The following PAWR variants were observed in gnomAD, a reference collection of about 807,000 sequenced individuals.
PAWR encodes PRKC apoptosis WT1 regulator protein.
In PAWR, 23 loss-of-function variants were observed where a neutral mutation model predicts 32.0. The ratio of observed to expected loss-of-function variants is 0.72; its 90% CI spans 0.52 to 1.02. PAWR has a LOEUF of 1.02. PAWR is among the 50% of genes least tolerant of loss of function. PAWR has a pLI of 0.00. For synonymous variants in PAWR, 226 were observed against 187.1 expected (o/e 1.21, Z -1.70); for missense variants, 457 against 437.7 (o/e 1.04, Z -0.39).
intron 2 of PAWR, among the ~76,000 whole-genome samples, chr12:79,634,178 GAGAAT>G (rs1461183871): frequency 1.3e-5 from 2 of 152,126 alleles, no homozygotes; most frequent in Non-Finnish European, 1.5e-5. Context: ...TCTGCCTCTG[GAGAAT>G]AGAATATTAT....
rs1017280950 is a variant in PAWR at position 79,682,465 on chromosome 12, T to C, written c.516+7264A>G. Among the ~76,000 whole-genome samples, 3 of 152,202 alleles carry C rather than the reference T, an allele frequency of 2.0e-5. No homozygotes were observed. In the East Asian group the frequency reaches 5.8e-4, roughly 29 times the overall value. On this transcript the variant is annotated intron_variant, in intron 2 of 6. Transcript: ENST00000328827. The stretch of plus-strand genomic sequence containing the variant: ...AATACAACTGCCCTATTTCTTCAAC[T>C]ACTTAAAATAAATGAGACTATCATT...
rs1475575417 is a variant in PAWR at position 79,689,750 on chromosome 12, C to G, written c.495G>C (p.Val165=). The G allele has an allele frequency of 1.3e-6, 2 of 1,571,944 alleles. No homozygotes were observed. Among genetic ancestry groups the G allele is most frequent in the East Asian group, 2.4e-5 (1 of 42,428 alleles). The part of the protein sequence containing the change: ...KLREKRRSTG[V]VNIPAAECLD... Reference sequence around the variant, plus strand: ...TCACCTCTGCGGCAGGGATGTTGACCACGCCGGTGGAGCGCCGCTTCTCCC... The same window carrying G: ...TCACCTCTGCGGCAGGGATGTTGACGACGCCGGTGGAGCGCCGCTTCTCCC... Residue 165 remains valine (V), a synonymous_variant, in exon 2 of 7, where the codon GTG becomes GTC. Coordinates refer to ENST00000328827, the MANE Select transcript of PAWR (RefSeq NM_002583.4).
intron 4 of PAWR, among the ~76,000 whole-genome samples, chr12:79,611,911 CCT>C (rs1454287677): frequency 6.6e-6 from 1 of 151,984 alleles, no homozygotes; most frequent in Non-Finnish European, 1.5e-5. Flanking sequence ...AAATTATTCC[CCT>C]CTTGATTCTA....
intron 2 of PAWR, among the ~76,000 whole-genome samples, chr12:79,627,626 T>G (rs1391242467): frequency 1.3e-5 from 2 of 152,184 alleles, no homozygotes; most frequent in African/African-American, 4.8e-5. Context: ...TGGCTTTTGT[T>G]GCCATTGCTT....
chr12:79,649,067 T>C (rs1876717523), intron 2 of PAWR, among the ~76,000 whole-genome samples: 1 of 152,200 alleles, frequency 6.6e-6, no homozygotes, highest in African/African-American at 2.4e-5. Flanking sequence ...TGGCCCTAGC[T>C]GAACACTGTG....
chr12:79,618,799 A>T lies in PAWR; in HGVS notation c.648+2277T>A, dbSNP rs1592504817. ...AAAATTCCACACAAATATAAACGTC[A>T]CCTTAGATGTCTTAACTATATTTCT... On this transcript the variant is annotated intron_variant, in intron 3 of 6. Transcript: ENST00000328827. 2.0e-5 allele frequency among the ~76,000 whole-genome samples: 3 copies of T among 152,126 alleles called. No individual in the cohort carries two copies. The South Asian group carries it at 6.2e-4, about 31-fold the overall frequency.
At chr12:79,621,331 A>C (rs1875003487) in intron 2 of PAWR, 124 bp from the exon 3 acceptor site, 1 of 733,790 alleles carries the variant, frequency 1.4e-6, no homozygotes, top group Non-Finnish European at 2.1e-6. Context: ...TGCATAATAA[A>C]AGTATTTTTC....
At chr12:79,629,390 T>C (rs1248868967) in intron 2 of PAWR, among the ~76,000 whole-genome samples, 4 of 151,958 alleles carry the variant, frequency 2.6e-5, no homozygotes, top group African/African-American at 7.3e-5. Flanking sequence ...CATGAATAAA[T>C]AGGGATATTA....
intron 2 of PAWR, among the ~76,000 whole-genome samples, chr12:79,686,003 T>C (rs998342461): frequency 6.6e-6 from 1 of 152,214 alleles, no homozygotes; most frequent in African/African-American, 2.4e-5. Flanking sequence ...TGATAAACAG[T>C]GTAACTACCA....
chr12:79,677,102 ATTAAC>A, intron 2 of PAWR, among the ~76,000 whole-genome samples: 1 of 152,364 alleles, frequency 6.6e-6, no homozygotes, highest in Middle Eastern at 3.4e-3. Flanking sequence ...GAACAGCTGT[ATTAAC>A]TTAAGCGTTC....
At chr12:79,641,645 G>A (rs905484359) in intron 2 of PAWR, among the ~76,000 whole-genome samples, 20 of 151,908 alleles carry the variant, frequency 1.3e-4, no homozygotes, top group African/African-American at 4.3e-4. Flanking sequence ...TCAGGAGATC[G>A]AGACCATCCT....
intron 4 of PAWR, among the ~76,000 whole-genome samples, chr12:79,610,992 A>G (rs920611301): frequency 6.6e-6 from 1 of 151,240 alleles, no homozygotes; most frequent in East Asian, 1.9e-4. Context: ...GACTGAGCAC[A>G]TAACAGACTC....
At chr12:79,637,526 A>G (rs747765210) in intron 2 of PAWR, among the ~76,000 whole-genome samples, 17 of 146,110 alleles carry the variant, frequency 1.2e-4, no homozygotes, top group Non-Finnish European at 2.4e-4. Context: ...AAACAACAAC[A>G]ACAACATTGA....
intron 2 of PAWR, among the ~76,000 whole-genome samples, chr12:79,662,217 A>AAG (rs1877386842): frequency 6.6e-6 from 1 of 151,638 alleles, no homozygotes; most frequent in African/African-American, 2.4e-5. Context: ...AAAAAAAAAA[A>AAG]AAAAAAGCAT....
At chr12:79,667,143 CTG>C (rs775219083) in intron 2 of PAWR, among the ~76,000 whole-genome samples, 2 of 152,186 alleles carry the variant, frequency 1.3e-5, no homozygotes, top group African/African-American at 4.8e-5. Flanking sequence ...CCTCCAGAGG[CTG>C]TGTCACAGGT....
At chr12:79,678,468 A>G (rs767070424) in intron 2 of PAWR, among the ~76,000 whole-genome samples, 8 of 152,250 alleles carry the variant, frequency 5.3e-5, no homozygotes, top group Non-Finnish European at 1.0e-4. Flanking sequence ...ATGATAACCA[A>G]TGTGTGGGCA....
Position 79,666,741 on chromosome 12 carries a change from C to CT in PAWR, c.516+22987dup, listed in dbSNP as rs199878144. Among the ~76,000 whole-genome samples the CT allele has an allele frequency of 4.1e-3, 630 of 152,214 alleles. 12 individuals carry two copies. Among genetic ancestry groups the CT allele is most frequent in the African/African-American group, 0.014 (595 of 41,538 alleles). The stretch of plus-strand genomic sequence containing the variant: ...GTTATTTATATAAACATGCAGTGGG[C>CT]TTTTTTTCCAATTAATAACAGGCAT... On this transcript the variant is annotated intron_variant, in intron 2 of 6. Coordinates refer to ENST00000328827, the MANE Select transcript of PAWR (RefSeq NM_002583.4).
intron 2 of PAWR, among the ~76,000 whole-genome samples, chr12:79,637,994 T>C (rs898502041): frequency 2.0e-5 from 3 of 152,204 alleles, no homozygotes; most frequent in African/African-American, 7.2e-5. Flanking sequence ...TATCAGCTTA[T>C]GAATACAACG....
chr12:79,596,204 C>T (rs1873742109), intron 5 of PAWR, among the ~76,000 whole-genome samples: 1 of 152,148 alleles, frequency 6.6e-6, no homozygotes, highest in South Asian at 2.1e-4. Flanking sequence ...CAGGCATATT[C>T]TTAGACAAAA....
Sources: gnomAD v4.1 joint callset for allele counts (sites outside exome capture counted in the v4.1 genomes callset) on GRCh38, gnomAD v4.1.1 for gene constraint, MANE v1.5 for transcripts, NCBI Gene and HGNC (gene_info 2026-07-23, HGNC 2026-07-21) for gene names.